TMEM65: variants seen among roughly 807,000 people sequenced by gnomAD.
TMEM65 encodes transmembrane protein 65.
TMEM65 carries 22 observed loss-of-function variants against 25.4 expected under a neutral mutation model. The observed-to-expected ratio is 0.86, with a 90% confidence interval of 0.62 to 1.23. The LOEUF (loss-of-function observed/expected upper bound fraction) is 1.23. Ranked by LOEUF, TMEM65 falls within the 50% of genes most tolerant of loss-of-function variation. The probability of loss-of-function intolerance (pLI) is 0.00; values close to 1 mark genes in which losing one functional copy is unlikely to be tolerated. For synonymous variants in TMEM65, 132 were observed against 126.2 expected (o/e 1.05, Z -0.31); for missense variants, 262 against 308.2 (o/e 0.85, Z 1.12).
chr8:124,369,460 A>C (rs1324526267), intron 1 of TMEM65, among the ~76,000 whole-genome samples: 1 of 152,214 alleles, frequency 6.6e-6, no homozygotes, highest in African/African-American at 2.4e-5. Flanking sequence ...AAAACACTTC[A>C]TTAGTTTATA....
intron 1 of TMEM65, among the ~76,000 whole-genome samples, chr8:124,345,813 G>A (rs1814634442): frequency 1.3e-5 from 2 of 151,860 alleles, no homozygotes; most frequent in African/African-American, 2.4e-5. Context: ...GTGCAATCTC[G>A]GCTCACTGCA....
chr8:124,327,671 AACAC>A (rs71289656), intron 2 of TMEM65, among the ~76,000 whole-genome samples: 9,905 of 148,652 alleles, frequency 0.067, 542 homozygotes, highest in African/African-American at 0.15. Flanking sequence ...TCTTACTGGT[AACAC>A]ACACACACAC....
rs554038079 is a variant in TMEM65, at chr8:124,359,271, G to A, written c.304+12583C>T. ...TGAAGAACTGAGTACTCCACCTTCC[G>A]GCTATGCCTACCTATACATGTATAA... On this transcript the variant is annotated intron_variant, in intron 1 of 6. Transcript: ENST00000297632. Among the ~76,000 whole-genome samples the A allele has an allele frequency of 3.3e-5, 5 of 152,188 alleles. No individual in the cohort carries two copies. In the East Asian group the frequency reaches 7.7e-4, roughly 23 times the overall value.
rs546225597 is a variant in TMEM65, at chr8:124,348,887, C to G, written c.305-18095G>C. Among the ~76,000 whole-genome samples the G allele has an allele frequency of 3.0e-3, 463 of 152,218 alleles. 2 individuals carry two copies. Among genetic ancestry groups the G allele is most frequent in the African/African-American group, 0.011 (442 of 41,530 alleles). ...AAGAGGTTTGGATATGCAGGGTCGTCTGGGATATGATAATGACTGGGAAAT... is the reference window on the plus strand; with the variant it reads ...AAGAGGTTTGGATATGCAGGGTCGTGTGGGATATGATAATGACTGGGAAAT... On this transcript the variant is annotated intron_variant, in intron 1 of 6. Coordinates refer to ENST00000297632, the MANE Select transcript of TMEM65 (RefSeq NM_194291.3).
intron 4 of TMEM65, among the ~76,000 whole-genome samples, chr8:124,322,719 T>C (rs1003800636): frequency 1.3e-5 from 2 of 151,902 alleles, no homozygotes; most frequent in Non-Finnish European, 2.9e-5. Context: ...AATAATAGGC[T>C]GGGCGTGGTG....
chr8:124,343,692 G>A (rs943832485), intron 1 of TMEM65, among the ~76,000 whole-genome samples: 4 of 152,130 alleles, frequency 2.6e-5, no homozygotes, highest in African/African-American at 4.8e-5. Flanking sequence ...CATCCTGGAT[G>A]TGAACAGCTT....
chr8:124,342,626 T>C (rs889766645), intron 1 of TMEM65, among the ~76,000 whole-genome samples: 1 of 152,134 alleles, frequency 6.6e-6, no homozygotes, highest in Non-Finnish European at 1.5e-5. Flanking sequence ...CATGGGCTCA[T>C]GGAAAGCCTG....
chr8:124,363,386 T>A (rs1329570489), intron 1 of TMEM65, among the ~76,000 whole-genome samples: 1 of 152,212 alleles, frequency 6.6e-6, no homozygotes, highest in Non-Finnish European at 1.5e-5. Context: ...TTATTTTAAA[T>A]TAATTATTGT....
At chr8:124,345,902 C>T (rs1586467344) in intron 1 of TMEM65, among the ~76,000 whole-genome samples, 1 of 152,092 alleles carries the variant, frequency 6.6e-6, no homozygotes, top group African/African-American at 2.4e-5. Context: ...TGCCACCATG[C>T]CTAGCTAATT....
chr8:124,338,942 G>A (rs1175805737), intron 1 of TMEM65, among the ~76,000 whole-genome samples: 3 of 151,874 alleles, frequency 2.0e-5, no homozygotes, highest in Non-Finnish European at 4.4e-5. Context: ...TGTAATCCCA[G>A]CACTCTGGGA....
At chr8:124,323,803 G>A (rs1394513514) in intron 3 of TMEM65, among the ~76,000 whole-genome samples, 1 of 151,850 alleles carries the variant, frequency 6.6e-6, no homozygotes, top group Non-Finnish European at 1.5e-5. Flanking sequence ...CAGTTTCTAG[G>A]GAAATTGGGG....
In TMEM65 at chr8:124,313,153, T is replaced by C. The variant is rs1814186703; in HGVS notation, c.*807A>G. Reference sequence around the variant, plus strand: ...TCATGTTAAATCCCTTAGTTCAATCTAATTCCACAATCCCCATTTCAAAGA... The same window carrying C: ...TCATGTTAAATCCCTTAGTTCAATCCAATTCCACAATCCCCATTTCAAAGA... On this transcript the variant is annotated 3_prime_UTR_variant, in exon 7 of 7. Coordinates refer to ENST00000297632, the MANE Select transcript of TMEM65 (RefSeq NM_194291.3). 6.6e-6 allele frequency: 1 copy of C among 151,960 alleles called. No individual in the cohort carries two copies. The highest frequency in any genetic ancestry group is 6.6e-5 in the Admixed American group (1 of 15,260). The allele number at this position is 151,960 out of a possible 1,614,324, so 9.4% of individuals were successfully genotyped here. A position where few individuals can be genotyped will look rare whatever the true frequency, so the allele number is the denominator to read the frequency against.
At chr8:124,352,626 A>G (rs935851273) in intron 1 of TMEM65, among the ~76,000 whole-genome samples, 4 of 152,176 alleles carry the variant, frequency 2.6e-5, no homozygotes, top group African/African-American at 9.7e-5. Context: ...TTAGCCTTAA[A>G]GTATTGCAGG....
At chr8:124,361,935 G>A (rs73333910) in intron 1 of TMEM65, among the ~76,000 whole-genome samples, 12 of 151,976 alleles carry the variant, frequency 7.9e-5, no homozygotes, top group African/African-American at 2.9e-4. Context: ...TTATAGCCCA[G>A]GCTGGAGTGC....
chr8:124,324,363 C>T (rs572934864), intron 3 of TMEM65, among the ~76,000 whole-genome samples: 5 of 152,178 alleles, frequency 3.3e-5, no homozygotes, highest in Non-Finnish European at 5.9e-5. Flanking sequence ...TAATTCTTGT[C>T]GAATATGGAC....
At chr8:124,321,351 CA>C (rs1316555302) in intron 5 of TMEM65, among the ~76,000 whole-genome samples, 1 of 152,068 alleles carries the variant, frequency 6.6e-6, no homozygotes, top group Non-Finnish European at 1.5e-5. Flanking sequence ...GAGACAAAAT[CA>C]AAGACAGAGC....
chr8:124,362,349 A>T (rs1239693449), intron 1 of TMEM65, among the ~76,000 whole-genome samples: 2 of 152,020 alleles, frequency 1.3e-5, no homozygotes, highest in Non-Finnish European at 2.9e-5. Context: ...TAATATAGCA[A>T]GGTGGAAAAA....
At chr8:124,357,403 A>G (rs1366886652) in intron 1 of TMEM65, among the ~76,000 whole-genome samples, 2 of 152,208 alleles carry the variant, frequency 1.3e-5, no homozygotes, top group Non-Finnish European at 2.9e-5. Flanking sequence ...AAGTCATTCG[A>G]GTTAGGAATT....
At chr8:124,331,416 TATATA>T (rs1426371230) in intron 1 of TMEM65, among the ~76,000 whole-genome samples, 1 of 148,368 alleles carries the variant, frequency 6.7e-6, no homozygotes, top group Non-Finnish European at 1.5e-5. Flanking sequence ...ATTATATTGA[TATATA>T]ATATAACTGA....
Sources: gnomAD v4.1 joint callset for allele counts (sites outside exome capture counted in the v4.1 genomes callset) on GRCh38, gnomAD v4.1.1 for gene constraint, MANE v1.5 for transcripts, NCBI Gene and HGNC (gene_info 2026-07-23, HGNC 2026-07-21) for gene names.